The following TUBGCP3 variants were observed in gnomAD, a reference collection of about 807,000 sequenced individuals.
TUBGCP3 encodes gamma-tubulin complex component 3.
Under a neutral mutation model 123.1 loss-of-function variants are expected in TUBGCP3, and 50 were observed. The ratio of observed to expected loss-of-function variants is 0.41; its 90% CI spans 0.32 to 0.51. The LOEUF is 0.51. Among genes scored for constraint, TUBGCP3 ranks in the 20% least tolerant of loss-of-function variants. TUBGCP3 has a pLI of 0.36. For missense variants in TUBGCP3, 882 were observed against 1,127.0 expected (o/e 0.78, Z 3.11); for synonymous variants, 405 against 413.9 (o/e 0.98, Z 0.26).
chr13:112,547,503 CGCGCGTGGG>C, intron 10 of TUBGCP3, 108 bp downstream of exon 10: 2 of 1,331,048 alleles, frequency 1.5e-6, no homozygotes, highest in African/African-American at 1.5e-5. Flanking sequence ...GAGTGCCAGA[CGCGCGTGGG>C]AAAGACGCGC....
chr13:112,487,307 G>A (rs981599688), intron 21 of TUBGCP3, among the ~76,000 whole-genome samples: 2 of 152,138 alleles, frequency 1.3e-5, no homozygotes, highest in African/African-American at 4.8e-5. Context: ...ACAGCCTGCC[G>A]TCGCTGGCAC....
chr13:112,490,341 G>T (rs569291347), intron 20 of TUBGCP3, among the ~76,000 whole-genome samples: 7 of 152,074 alleles, frequency 4.6e-5, no homozygotes, highest in Non-Finnish European at 8.8e-5. Flanking sequence ...CTGCAACCTC[G>T]GCCTCCTGGG....
chr13:112,518,895 A>G (rs1056325329), intron 16 of TUBGCP3, 80 bp downstream of exon 16: 2 of 1,296,744 alleles, frequency 1.5e-6, no homozygotes, highest in African/African-American at 2.9e-5. Context: ...AAGTCCCCAG[A>G]GAAGAAAGCC....
At chr13:112,503,120 C>A (rs1239011701) in intron 19 of TUBGCP3, among the ~76,000 whole-genome samples, 5 of 152,096 alleles carry the variant, frequency 3.3e-5, no homozygotes, top group Non-Finnish European at 7.4e-5. Context: ...GCAGCCCCTG[C>A]CAGTCGGAAA....
rs1879584432 is a variant in TUBGCP3, at chr13:112,485,354, T to C, written c.*639A>G. On this transcript the variant is annotated 3_prime_UTR_variant, in exon 22 of 22. Coordinates refer to ENST00000261965, the MANE Select transcript of TUBGCP3 (RefSeq NM_006322.6). ...TCTCTATCACTCCTACTTTTTTCTA[T>C]ACTATTTTAAAAATCTGAAATAGTA... 6.5e-6 allele frequency: 1 copy of C among 152,778 alleles called. No individual in the cohort carries two copies. Among genetic ancestry groups the C allele is most frequent in the East Asian group, 1.9e-4 (1 of 5,186 alleles). The allele number at this position is 152,778 out of a possible 1,614,324, so 9.5% of individuals were successfully genotyped here.
intron 10 of TUBGCP3, chr13:112,546,100 G>A: frequency 2.3e-6 from 1 of 431,706 alleles, no homozygotes; most frequent in Non-Finnish European, 4.2e-6. Flanking sequence ...CTTCTCTTTA[G>A]GACTGCTGAG....
chr13:112,571,464 T>C (rs1881384953), intron 1 of TUBGCP3, among the ~76,000 whole-genome samples: 1 of 152,222 alleles, frequency 6.6e-6, no homozygotes, highest in Non-Finnish European at 1.5e-5. Flanking sequence ...TGCTGTCATC[T>C]AGGCTTTGTC....
At chr13:112,528,109 C>T (rs1261823925) in intron 11 of TUBGCP3, among the ~76,000 whole-genome samples, 1 of 152,236 alleles carries the variant, frequency 6.6e-6, no homozygotes, top group East Asian at 1.9e-4. Context: ...CCTGCCCTGA[C>T]CCTGACGGGC....
At chr13:112,573,579 C>T (rs1264026541) in intron 1 of TUBGCP3, among the ~76,000 whole-genome samples, 1 of 152,188 alleles carries the variant, frequency 6.6e-6, no homozygotes, top group African/African-American at 2.4e-5. Context: ...TGAGGAACTC[C>T]CACCCTCAGT....
intron 19 of TUBGCP3, among the ~76,000 whole-genome samples, chr13:112,499,427 G>A (rs558296112): frequency 2.0e-5 from 3 of 152,268 alleles, no homozygotes; most frequent in African/African-American, 4.8e-5. Flanking sequence ...AAGAGCAATC[G>A]TGACTGCCCA....
intron 17 of TUBGCP3, among the ~76,000 whole-genome samples, chr13:112,509,256 T>C (rs117950283): frequency 0.06 from 9,212 of 152,314 alleles, 451 homozygotes; most frequent in Non-Finnish European, 0.08. Context: ...CCGTATCGAT[T>C]GACTGTAAGA....
In TUBGCP3 at chr13:112,564,979, A is replaced by G. The variant is rs1203939983; in HGVS notation, c.252+132T>C. The G allele has an allele frequency of 1.0e-5, 7 of 680,680 alleles. No individual in the cohort carries two copies. The Admixed American group carries it at 1.7e-4, about 17-fold the overall frequency. 42.2% of individuals were successfully genotyped at this position (680,680 alleles called of 1,614,324 possible). On this transcript the variant is annotated intron_variant, in intron 3 of 21. Transcript: ENST00000261965. The stretch of plus-strand genomic sequence containing the variant: ...AGCTCACACAAAAAAAGCAAATGCT[A>G]TCTATAATTAAAAGCAATTACCAAT...
upstream of TUBGCP3, among the ~76,000 whole-genome samples, chr13:112,592,715 G>T (rs934403164): frequency 6.6e-6 from 1 of 152,210 alleles, no homozygotes. This position sits in a 1 kb window ranked among gnomAD's most constrained non-coding sequence, Gnocchi z 4.1. Flanking sequence ...CTCAGCCAAG[G>T]GACCCATGTG....
At chr13:112,587,029 A>G (rs578148957) in intron 1 of TUBGCP3, among the ~76,000 whole-genome samples, 2 of 152,322 alleles carry the variant, frequency 1.3e-5, no homozygotes, top group South Asian at 4.1e-4. Context: ...GTAACTTTGA[A>G]GTCTTCCTTC....
chr13:112,559,728 T>C (rs1303873266), intron 3 of TUBGCP3, among the ~76,000 whole-genome samples: 1 of 152,230 alleles, frequency 6.6e-6, no homozygotes, highest in Non-Finnish European at 1.5e-5. Flanking sequence ...CCCAAAACCG[T>C]AATTATGAGA....
the TUBGCP3 span, among the ~76,000 whole-genome samples, chr13:112,593,668 A>G: frequency 5.3e-5 from 8 of 152,084 alleles, no homozygotes; most frequent in Non-Finnish European, 8.8e-5. Flanking sequence ...GCAAGACTCC[A>G]TCTCAAAAAA....
chr13:112,494,958 T>C (rs1566529578), intron 20 of TUBGCP3, among the ~76,000 whole-genome samples: 1 of 152,264 alleles, frequency 6.6e-6, no homozygotes, highest in Admixed American at 6.5e-5. Flanking sequence ...TCCTTATATA[T>C]TCTGGTTATC....
rs1194151131 is a variant in TUBGCP3 at position 112,556,197 on chromosome 13, T to C, written c.576A>G (p.Gly192=). ...ACCCCAACTGCTGTCGAAGGCAATC[T>C]CCTACTCCTGGAGCTTGATTAGACT... The part of the protein sequence containing the change: ...PGQSNQAPGV[G]DCLRQQLGSR... Residue 192 remains glycine (G), a synonymous_variant, in exon 6 of 22, where the codon GGA becomes GGG. Transcript: ENST00000261965. 6.2e-7 allele frequency: 1 copy of C among 1,614,136 alleles called. No individual in the cohort carries two copies. Among genetic ancestry groups the C allele is most frequent in the South Asian group, 1.1e-5 (1 of 91,074 alleles).
intron 3 of TUBGCP3, among the ~76,000 whole-genome samples, chr13:112,562,086 T>TACCACCAGCCAGGACCCACTAGGGAAC (rs1169426480): frequency 0.04 from 5,140 of 127,514 alleles, 1,698 homozygotes; most frequent in African/African-American, 0.068. Flanking sequence ...ACTATGGGAA[T>TACCACCAGCCAGGACCCACTAGGGAAC]ACCACCAGCC....
Sources: gnomAD v4.1 joint callset for allele counts (sites outside exome capture counted in the v4.1 genomes callset) on GRCh38, gnomAD v4.1.1 for gene constraint, Gnocchi (gnomAD v3.1) non-coding constraint, MANE v1.5 for transcripts, NCBI Gene and HGNC (gene_info 2026-07-23, HGNC 2026-07-21) for gene names.